EIF2AK4: variants seen among roughly 807,000 people sequenced by gnomAD.
EIF2AK4 encodes eIF-2-alpha kinase GCN2.
EIF2AK4 carries 139 observed loss-of-function variants against 211.1 expected under a neutral mutation model. The ratio of observed to expected loss-of-function variants is 0.66; its 90% CI spans 0.57 to 0.76. The LOEUF (loss-of-function observed/expected upper bound fraction) is 0.76. Ranked by LOEUF, EIF2AK4 falls within the 30% of genes least tolerant of loss-of-function variation. EIF2AK4 has a pLI of 0.00. For synonymous variants in EIF2AK4, 710 were observed against 751.3 expected, an observed-to-expected ratio of 0.94 and a Z score of 0.90; for missense variants, 1,664 against 2,043.8, an observed-to-expected ratio of 0.81 and a Z score of 3.58.
Position 40,008,119 on chromosome 15 carries a change from C to A in EIF2AK4, c.3500C>A (p.Thr1167Asn). 2 of 1,613,014 alleles carry A rather than the reference C, an allele frequency of 1.2e-6. No homozygotes were observed. The change falls in exon 25 of 39, where the codon ACC becomes AAC. Residue 1167 changes from threonine (T) to asparagine (N), a missense_variant. This residue lies in a region of EIF2AK4 where 622 missense variants were observed against 796.8 expected (regional missense o/e 0.78). Coordinates refer to ENST00000263791, the MANE Select transcript of EIF2AK4 (RefSeq NM_001013703.4). The stretch of plus-strand genomic sequence containing the variant: ...TGTGCATTTGATATTGTCACTTCTA[C>A]CACCAACAGCTTTCTGCCCACTGCT... ...LECAFDIVTS[T>N]TNSFLPTAEI...
At position 39,976,797 on chromosome 15, in the gene EIF2AK4, GGAC is replaced by G; in HGVS notation, c.2211_2213del (p.Asp737del). The G allele has an allele frequency of 6.4e-7, 1 of 1,574,410 alleles. No individual in the cohort carries two copies. The highest frequency in any genetic ancestry group is 2.3e-5 in the East Asian group (1 of 42,720). On this transcript the variant is annotated inframe_deletion, in exon 12 of 39. Transcript: ENST00000263791. ...CCGGCCCGGGCTCCAGCGATGACGA[GGAC>G]GACGACGAGGACGAGCACGGTGGCG...
intron 30 of EIF2AK4, among the ~76,000 whole-genome samples, chr15:40,020,286 T>A (rs754476936): frequency 1.3e-5 from 2 of 151,742 alleles, no homozygotes; most frequent in Non-Finnish European, 2.9e-5. Flanking sequence ...AAAATGGTAT[T>A]TTCCAGATGG....
At chr15:40,015,955 G>A (rs2035297810) in intron 27 of EIF2AK4, among the ~76,000 whole-genome samples, 1 of 152,220 alleles carries the variant, frequency 6.6e-6, no homozygotes, top group Non-Finnish European at 1.5e-5. Flanking sequence ...AGTACAGCTG[G>A]TGACAGCCAG....
intron 27 of EIF2AK4, among the ~76,000 whole-genome samples, chr15:40,014,891 T>C (rs1028438164): frequency 9.9e-5 from 15 of 152,190 alleles, no homozygotes; most frequent in African/African-American, 3.6e-4. Flanking sequence ...TGCTTAGAAA[T>C]TTATTCTGCC....
intron 1 of EIF2AK4, among the ~76,000 whole-genome samples, chr15:39,937,708 G>T (rs180983906): frequency 8.6e-5 from 13 of 151,650 alleles, no homozygotes; most frequent in Middle Eastern, 3.4e-3. Flanking sequence ...ATCAAATAAA[G>T]ATATAAGTAG....
chr15:39,944,933 T>A (rs1396552845), intron 3 of EIF2AK4, among the ~76,000 whole-genome samples: 1 of 152,240 alleles, frequency 6.6e-6, no homozygotes, highest in Non-Finnish European at 1.5e-5. Context: ...TCCATTTAAG[T>A]TGCTGCTTCC....
rs2034694911 is a variant in EIF2AK4, at chr15:39,976,547, A to C, written c.1952A>C (p.Tyr651Ser). 1 of 1,613,016 alleles carries C rather than the reference A, an allele frequency of 6.2e-7. No homozygotes were observed. Among genetic ancestry groups the C allele is most frequent in the East Asian group, 2.2e-5 (1 of 44,870 alleles). The change falls in exon 12 of 39, where the codon TAC becomes TCC. Residue 651 changes from tyrosine to serine, a missense_variant. By Grantham distance (144) the Tyr-to-Ser change is moderately radical. Around this residue, in one of 7 missense-constraint regions of EIF2AK4, gnomAD observed 37 missense variants for 84.0 expected, o/e 0.44. Transcript: ENST00000263791. ...SRLHHENIVR[Y>S]YNAWIERHER... is the part of the protein sequence containing the mutation. Reference sequence around the variant, plus strand: ...CTGCACCATGAGAACATTGTGCGCTACTACAACGCCTGGATCGAGCGGCAC... The same window carrying C: ...CTGCACCATGAGAACATTGTGCGCTCCTACAACGCCTGGATCGAGCGGCAC...
At chr15:39,982,818 T>G (rs559824647) in intron 13 of EIF2AK4, among the ~76,000 whole-genome samples, 5 of 152,028 alleles carry the variant, frequency 3.3e-5, no homozygotes, top group Non-Finnish European at 7.4e-5. Context: ...TCTGTTCCTG[T>G]GTTAGTGAGA....
chr15:40,003,086 A>G lies in EIF2AK4; in HGVS notation c.3236-107A>G, dbSNP rs144439926. On this transcript the variant is annotated intron_variant, in intron 22 of 38. Coordinates refer to ENST00000263791, the MANE Select transcript of EIF2AK4 (RefSeq NM_001013703.4). Reference sequence around the variant, plus strand: ...CTCAAGAAAAATTGATATGACTTCAATGGTCCCAGTAGCAATTACTTAACT... The same window carrying G: ...CTCAAGAAAAATTGATATGACTTCAGTGGTCCCAGTAGCAATTACTTAACT... 76 of 1,476,328 alleles carry G rather than the reference A, an allele frequency of 5.1e-5. No homozygotes were observed. In the African/African-American group the frequency reaches 7.2e-4, roughly 14 times the overall value. The allele number at this position is 1,476,328 out of a possible 1,614,324, so 91.5% of individuals were successfully genotyped here. A position where few individuals can be genotyped will look rare whatever the true frequency, so the allele number is the denominator to read the frequency against.
intron 13 of EIF2AK4, among the ~76,000 whole-genome samples, chr15:39,983,666 G>A (rs909091532): frequency 6.6e-6 from 1 of 152,124 alleles, no homozygotes; most frequent in Non-Finnish European, 1.5e-5. Flanking sequence ...CGTCTCATAC[G>A]CCCGACCTCA....
At chr15:40,006,247 G>C (rs552541215) in intron 23 of EIF2AK4, among the ~76,000 whole-genome samples, 3 of 152,048 alleles carry the variant, frequency 2.0e-5, no homozygotes, top group Non-Finnish European at 4.4e-5. Context: ...TGAGTAAAGT[G>C]ATGTGGGATT....
At chr15:39,959,180 A>G (rs868804474) in intron 6 of EIF2AK4, among the ~76,000 whole-genome samples, 2 of 152,354 alleles carry the variant, frequency 1.3e-5, no homozygotes, top group South Asian at 4.1e-4. Flanking sequence ...TGATGAGACC[A>G]GAGTCATAGC....
rs181317642 is a variant in EIF2AK4 at position 39,968,604 on chromosome 15, A to G, written c.1553+725A>G. Among the ~76,000 whole-genome samples, 34 of 152,334 alleles carry G rather than the reference A, an allele frequency of 2.2e-4. No individual in the cohort carries two copies. The East Asian group carries it at 4.2e-3, about 19-fold the overall frequency. On this transcript the variant is annotated intron_variant, in intron 9 of 38. Transcript: ENST00000263791. ...ATTTTTCCAGATGCTCCTCTGGTCCAGCTATCCTGCAGGAGTTGACCTGGG... is the reference window on the plus strand; with the variant it reads ...ATTTTTCCAGATGCTCCTCTGGTCCGGCTATCCTGCAGGAGTTGACCTGGG...
intron 3 of EIF2AK4, 47 bp from the exon 4 acceptor site, chr15:39,949,069 T>G (rs775154195): frequency 1.3e-6 from 2 of 1,598,658 alleles, no homozygotes; most frequent in Admixed American, 1.7e-5. Context: ...TGTTTGGGCC[T>G]TCCCATTATT....
Position 39,973,717 on chromosome 15 carries a change from C to T in EIF2AK4, c.1786C>T (p.Leu596Phe). The T allele has an allele frequency of 6.2e-7, 1 of 1,614,162 alleles. No individual in the cohort carries two copies. The highest frequency in any genetic ancestry group is 8.5e-7 in the Non-Finnish European group (1 of 1,179,998). Residue 596 changes from leucine (L) to phenylalanine (F), a missense_variant, in exon 11 of 39, where the codon CTT becomes TTT. Leu to Phe is a conservative substitution (Grantham distance 22). Coordinates refer to ENST00000263791, the MANE Select transcript of EIF2AK4 (RefSeq NM_001013703.4). ...YFIEFEELQL[L>F]GKGAFGAVIK... ...CATTGAGTTTGAAGAATTACAACTT[C>T]TTGGTAAAGGAGCTTTTGGAGCTGT...
At chr15:39,950,082 T>C (rs534576220) in intron 4 of EIF2AK4, among the ~76,000 whole-genome samples, 2 of 152,240 alleles carry the variant, frequency 1.3e-5, no homozygotes, top group East Asian at 3.9e-4. Context: ...GAACTTACTT[T>C]GATTCAGGTT....
At chr15:39,993,152 C>T (rs1449616051) in intron 18 of EIF2AK4, among the ~76,000 whole-genome samples, 3 of 150,276 alleles carry the variant, frequency 2.0e-5, no homozygotes, top group African/African-American at 7.3e-5. Context: ...ATCCACCTGT[C>T]CATCCACCCG....
At chr15:39,998,340 A>C (rs1374888468) in intron 19 of EIF2AK4, among the ~76,000 whole-genome samples, 1 of 123,172 alleles carries the variant, frequency 8.1e-6, no homozygotes, top group Non-Finnish European at 1.7e-5. Flanking sequence ...TGAAGCCATT[A>C]GGTTTTTACT....
At chr15:39,986,560 A>G (rs2034867863) in intron 14 of EIF2AK4, among the ~76,000 whole-genome samples, 1 of 152,256 alleles carries the variant, frequency 6.6e-6, no homozygotes, top group Non-Finnish European at 1.5e-5. Context: ...AGGAGTGGCC[A>G]TAAAACAAGT....
Sources: allele counts gnomAD v4.1 joint callset (sites outside exome capture counted in the v4.1 genomes callset), GRCh38; gene constraint gnomAD v4.1.1; regional missense constraint gnomAD v4.1.1; transcripts MANE v1.5; gene names NCBI Gene and HGNC (gene_info 2026-07-23, HGNC 2026-07-21).